Variants in HECW2 observed in about 807,000 individuals in gnomAD.
HECW2 encodes the protein E3 ubiquitin-protein ligase HECW2.
A neutral mutation model predicts 175.2 loss-of-function variants in HECW2; 61 were observed. That is an observed-to-expected ratio of 0.35 (90% CI 0.28 to 0.43). The LOEUF (loss-of-function observed/expected upper bound fraction) is 0.43, where lower values mean the gene tolerates loss of function less well. Among genes scored for constraint, HECW2 ranks in the 20% least tolerant of loss-of-function variants. The pLI is 1.00. For missense variants in HECW2, 1,524 were observed against 2,000.5 expected (o/e 0.76, Z 4.54); for synonymous variants, 671 against 731.0 (o/e 0.92, Z 1.32).
intron 1 of HECW2, among the ~76,000 whole-genome samples, chr2:196,532,035 A>C (rs1307667138): frequency 2.0e-5 from 3 of 152,248 alleles, no homozygotes; most frequent in African/African-American, 7.2e-5. Flanking sequence ...CCCTGCACAC[A>C]ACTGGCATCT....
chr2:196,477,149 A>G (rs910614600), intron 1 of HECW2, among the ~76,000 whole-genome samples: 3 of 99,316 alleles, frequency 3.0e-5, no homozygotes, highest in Non-Finnish European at 4.0e-5. Flanking sequence ...GGGAAAAGCG[A>G]AAAAAAAAAA....
At chr2:196,323,919 G>T (rs11286730) in intron 6 of HECW2, among the ~76,000 whole-genome samples, 10,338 of 35,926 alleles carry the variant, frequency 0.29, 747 homozygotes, top group Middle Eastern at 0.48. Flanking sequence ...TTTTTTGTTT[G>T]TTTTTTTTTT....
chr2:196,317,325 C>A lies in HECW2; in HGVS notation c.2383G>T (p.Val795Leu). The A allele has an allele frequency of 6.2e-7, 1 of 1,613,642 alleles. No individual in the cohort carries two copies. Among genetic ancestry groups the A allele is most frequent in the Middle Eastern group, 1.6e-4 (1 of 6,062 alleles). The stretch of plus-strand genomic sequence containing the variant: ...TGGTACCGGCTAACATCCTGGCGCA[C>A]TGAAGGTAGTGATCGCAGTGGCTGG... ...GHQPLRSLPS[V>L]RQDVSRYQRV... The change falls in exon 10 of 29, where the codon GTG (valine) becomes TTG (leucine). Residue 795 changes from valine (V) to leucine (L), a missense_variant. Around this residue, in one of 11 missense-constraint regions of HECW2, gnomAD observed 82 missense variants for 124.4 expected, o/e 0.66. Coordinates refer to ENST00000644978, the MANE Select transcript of HECW2 (RefSeq NM_001348768.2).
chr2:196,287,309 T>C (rs1302135066), intron 14 of HECW2, among the ~76,000 whole-genome samples: 1 of 152,174 alleles, frequency 6.6e-6, no homozygotes, highest in Non-Finnish European at 1.5e-5. Context: ...CAACAAACTA[T>C]GGGAAAGATA....
At chr2:196,522,959 G>C (rs1246153738) in intron 1 of HECW2, among the ~76,000 whole-genome samples, 5 of 152,024 alleles carry the variant, frequency 3.3e-5, no homozygotes. Context: ...TTGGTGATGC[G>C]GGCTCTTTTT....
chr2:196,515,519 T>C (rs987882408), intron 1 of HECW2, among the ~76,000 whole-genome samples: 1 of 152,208 alleles, frequency 6.6e-6, no homozygotes, highest in Non-Finnish European at 1.5e-5. Context: ...AGAACACATG[T>C]GGCACAGGCT....
rs751514790 is a variant in HECW2, at chr2:196,257,920, G to C, written c.3336-14C>G. On this transcript the variant is annotated splice_polypyrimidine_tract_variant and intron_variant, in intron 17 of 28. Coordinates refer to ENST00000644978, the MANE Select transcript of HECW2 (RefSeq NM_001348768.2). ...TGGATCTTCTCCCTAATCAAGAAAA[G>C]AAACAGCACAAAATGTATATGGTAG... The C allele has an allele frequency of 4.4e-6, 7 of 1,586,058 alleles. No homozygotes were observed. Among genetic ancestry groups the C allele is most frequent in the Admixed American group, 1.7e-5 (1 of 59,870 alleles).
intron 1 of HECW2, among the ~76,000 whole-genome samples, chr2:196,531,614 A>G (rs1189048079): frequency 2.0e-5 from 3 of 151,010 alleles, no homozygotes; most frequent in African/African-American, 7.4e-5. Context: ...GTGTCCTGAG[A>G]TCGTACCACT....
chr2:196,591,329 T>TA (rs894891176), intron 1 of HECW2, among the ~76,000 whole-genome samples: 1 of 152,160 alleles, frequency 6.6e-6, no homozygotes, highest in African/African-American at 2.4e-5. Context: ...TAATGAAGAC[T>TA]AAAGTCTTTC....
chr2:196,297,556 G>T (rs1344877924), intron 13 of HECW2, among the ~76,000 whole-genome samples: 1 of 152,082 alleles, frequency 6.6e-6, no homozygotes, highest in African/African-American at 2.4e-5. Context: ...GTGTTATGAT[G>T]ACCAAATGTC....
At chr2:196,580,524 A>G (rs1559186520) in intron 1 of HECW2, among the ~76,000 whole-genome samples, 1 of 152,202 alleles carries the variant, frequency 6.6e-6, no homozygotes, top group Non-Finnish European at 1.5e-5. Flanking sequence ...AAAGAATTTG[A>G]ATAGACAATT....
At chr2:196,407,363 A>G (rs1183962300) in intron 2 of HECW2, among the ~76,000 whole-genome samples, 2 of 151,944 alleles carry the variant, frequency 1.3e-5, no homozygotes, top group Admixed American at 1.3e-4. Flanking sequence ...CATGGTATAA[A>G]TACTTCCACC....
chr2:196,369,282 T>C (rs1303819105), intron 2 of HECW2, among the ~76,000 whole-genome samples: 1 of 151,726 alleles, frequency 6.6e-6, no homozygotes, highest in Non-Finnish European at 1.5e-5. Flanking sequence ...CTAGAAGAAT[T>C]CTGTGGATTA....
chr2:196,557,843 A>G (rs1377197679), intron 1 of HECW2, among the ~76,000 whole-genome samples: 2 of 152,212 alleles, frequency 1.3e-5, no homozygotes, highest in African/African-American at 2.4e-5. Flanking sequence ...TTATTAGAGC[A>G]TTTATGTGAT....
chr2:196,330,385 A>C (rs900216200), intron 4 of HECW2, among the ~76,000 whole-genome samples: 1 of 152,226 alleles, frequency 6.6e-6, no homozygotes, highest in Non-Finnish European at 1.5e-5. Flanking sequence ...ATAAGTCAAA[A>C]GAAGTCAACA....
At chr2:196,544,991 G>C (rs775656877) in intron 1 of HECW2, among the ~76,000 whole-genome samples, 1 of 152,174 alleles carries the variant, frequency 6.6e-6, no homozygotes, top group Non-Finnish European at 1.5e-5. Flanking sequence ...GCTCACTTTA[G>C]TGAAACTCAT....
At position 196,207,830 on chromosome 2, in the gene HECW2, T is replaced by C. The variant is rs80075172; in HGVS notation, c.4608-6442A>G. Among the ~76,000 whole-genome samples, 1,004 of 152,332 alleles carry C rather than the reference T, an allele frequency of 6.6e-3. 14 individuals are homozygous for C. Among genetic ancestry groups the C allele is most frequent in the African/African-American group, 0.023 (944 of 41,580 alleles). On this transcript the variant is annotated intron_variant, in intron 28 of 28. Coordinates refer to ENST00000644978, the MANE Select transcript of HECW2 (RefSeq NM_001348768.2). ...TAGGTCACTTTGGTTAAGGTGCACT[T>C]GGATCTGTAAATACAAAGTGGAATA...
chr2:196,521,966 A>C (rs1688412710), intron 1 of HECW2, among the ~76,000 whole-genome samples: 1 of 152,118 alleles, frequency 6.6e-6, no homozygotes, highest in African/African-American at 2.4e-5. Context: ...TCTTTATAGC[A>C]GCATGATTTA....
intron 1 of HECW2, among the ~76,000 whole-genome samples, chr2:196,465,595 C>G (rs1351592654): frequency 6.6e-6 from 1 of 151,868 alleles, no homozygotes; most frequent in East Asian, 1.9e-4. Flanking sequence ...TTTAGGGAAC[C>G]TGCCTTAACT....
Sources: gnomAD v4.1 joint callset for allele counts (sites outside exome capture counted in the v4.1 genomes callset) on GRCh38, gnomAD v4.1.1 for gene constraint, gnomAD v4.1.1 regional missense constraint, MANE v1.5 for transcripts, NCBI Gene and HGNC (gene_info 2026-07-23, HGNC 2026-07-21) for gene names.